Variants in CDK5RAP2 observed in about 807,000 individuals in gnomAD.
CDK5RAP2 encodes CDK5 regulatory subunit associated protein 2, also known as CDK5 regulatory subunit-associated protein 2.
CDK5RAP2 carries 147 observed loss-of-function variants against 232.9 expected under a neutral mutation model. The observed-to-expected ratio is 0.63, with a 90% CI of 0.55 to 0.72. The LOEUF (loss-of-function observed/expected upper bound fraction) is 0.72, where lower values mean the gene tolerates loss of function less well. Ranked by LOEUF, CDK5RAP2 falls within the 30% of genes least tolerant of loss-of-function variation. The pLI is 0.00. For synonymous variants in CDK5RAP2, 833 were observed against 833.7 expected (o/e 1.00, Z 0.01); for missense variants, 2,195 against 2,231.5 (o/e 0.98, Z 0.33).
intron 4 of CDK5RAP2, among the ~76,000 whole-genome samples, chr9:120,549,574 TCA>T (rs1380740880): frequency 4.6e-5 from 7 of 152,180 alleles, no homozygotes; most frequent in African/African-American, 1.7e-4. Context: ...TCTATAAGCC[TCA>T]GTTTCTTCCC....
At chr9:120,490,349 CCT>C (rs1427517711) in intron 13 of CDK5RAP2, among the ~76,000 whole-genome samples, 3 of 152,192 alleles carry the variant, frequency 2.0e-5, no homozygotes, top group African/African-American at 7.2e-5. Flanking sequence ...CCACTCCCTC[CCT>C]GTTTTCACTT....
chr9:120,443,581 A>T lies in CDK5RAP2; in HGVS notation c.3148+39T>A, dbSNP rs913455227. The T allele has an allele frequency of 1.9e-6, 3 of 1,611,654 alleles. No individual in the cohort carries two copies. In the Admixed American group the frequency reaches 5.0e-5, roughly 27 times the overall value. On this transcript the variant is annotated intron_variant, in intron 23 of 37. Coordinates refer to ENST00000349780, the MANE Select transcript of CDK5RAP2 (RefSeq NM_018249.6). Reference sequence around the variant, plus strand: ...AAAACATCCAAATGGTGCCTGGCACATGGAAGCTGTTCAATACACACAGGG... The same window carrying T: ...AAAACATCCAAATGGTGCCTGGCACTTGGAAGCTGTTCAATACACACAGGG...
chr9:120,534,705 T>C (rs1318429387), intron 7 of CDK5RAP2, among the ~76,000 whole-genome samples: 1 of 152,214 alleles, frequency 6.6e-6, no homozygotes, highest in African/African-American at 2.4e-5. Context: ...TTTTCAAACC[T>C]ATCCCAAACC....
chr9:120,428,586 A>C (rs2035071267), intron 25 of CDK5RAP2, among the ~76,000 whole-genome samples: 2 of 152,218 alleles, frequency 1.3e-5, no homozygotes, highest in Admixed American at 1.3e-4. Context: ...ATAGACCAAT[A>C]ACAGGATCTG....
chr9:120,520,585 G>C (rs918578911), intron 11 of CDK5RAP2, among the ~76,000 whole-genome samples: 1 of 152,172 alleles, frequency 6.6e-6, no homozygotes, highest in African/African-American at 2.4e-5. Flanking sequence ...AGAGGTTGCA[G>C]TAAGCCAAGA....
chr9:120,577,790 T>C (rs2043089969), intron 1 of CDK5RAP2, among the ~76,000 whole-genome samples: 1 of 152,152 alleles, frequency 6.6e-6, no homozygotes, highest in South Asian at 2.1e-4. Flanking sequence ...ATCAAGGGGT[T>C]GTTAAGTAGC....
At position 120,458,534 on chromosome 9, in the gene CDK5RAP2, G is replaced by A. The variant is rs1288075700; in HGVS notation, c.2291C>T (p.Ala764Val). Reference sequence around the variant, plus strand: ...TGCACCTTCTTCTAGGCAGCCAGGTGCGTGGGCCCCATCACAATCTGAAAT... The same window carrying A: ...TGCACCTTCTTCTAGGCAGCCAGGTACGTGGGCCCCATCACAATCTGAAAT... ...SKISDCDGAH[A>V]PGCLEEGAFI... Residue 764 changes from alanine (A) to valine (V), a missense_variant, in exon 20 of 38, where the codon GCA (alanine) becomes GTA (valine). Transcript: ENST00000349780. 6 of 1,614,126 alleles carry A rather than the reference G, an allele frequency of 3.7e-6. No individual in the cohort carries two copies. The highest frequency in any genetic ancestry group is 5.1e-6 in the Non-Finnish European group (6 of 1,179,976).
Position 120,518,603 on chromosome 9 carries a change from G to A in CDK5RAP2, c.1135C>T (p.Leu379Phe). Residue 379 changes from leucine to phenylalanine, a missense_variant, in exon 12 of 38, where the codon CTT becomes TTT. Coordinates refer to ENST00000349780, the MANE Select transcript of CDK5RAP2 (RefSeq NM_018249.6). ...TTTTGTGAGCGCAGCGCAGCCGAAA[G>A]GGCTTCCTTTCCTGATAGAGCAGTC... ...YETALSGKEA[L>F]SAALRSQNLT... 1 of 1,613,704 alleles carries A rather than the reference G, an allele frequency of 6.2e-7. No homozygotes were observed. The highest frequency in any genetic ancestry group is 8.5e-7 in the Non-Finnish European group (1 of 1,179,984).
At chr9:120,502,008 TCA>T (rs1564306341) in intron 12 of CDK5RAP2, among the ~76,000 whole-genome samples, 2 of 152,146 alleles carry the variant, frequency 1.3e-5, no homozygotes, top group Non-Finnish European at 1.5e-5. Flanking sequence ...TTGCCTAAGA[TCA>T]CAGTCACCAA....
chr9:120,505,763 C>G (rs1179564962), intron 12 of CDK5RAP2, among the ~76,000 whole-genome samples: 1 of 152,196 alleles, frequency 6.6e-6, no homozygotes, highest in African/African-American at 2.4e-5. Context: ...AAGCCAAAGT[C>G]TAATCCAGAG....
chr9:120,468,032 C>G (rs747990408), intron 17 of CDK5RAP2, 35 bp from the exon 18 acceptor site: 1 of 1,612,350 alleles, frequency 6.2e-7, no homozygotes, highest in Admixed American at 1.7e-5. Context: ...GCTGTCTACC[C>G]AGCAAGAGAC....
At chr9:120,429,657 T>C (rs1328192412) in intron 25 of CDK5RAP2, among the ~76,000 whole-genome samples, 6 of 152,112 alleles carry the variant, frequency 3.9e-5, no homozygotes, top group Non-Finnish European at 8.8e-5. Context: ...GTAGGAAGAA[T>C]CAATATTGTG....
chr9:120,458,380 C>T, intron 20 of CDK5RAP2, 70 bp downstream of exon 20: 1 of 1,457,898 alleles, frequency 6.9e-7, no homozygotes, highest in Non-Finnish European at 9.6e-7. Context: ...CATCTAAACC[C>T]ATTTAGCAAA....
At chr9:120,438,585 C>T (rs2035719708) in intron 24 of CDK5RAP2, among the ~76,000 whole-genome samples, 1 of 152,186 alleles carries the variant, frequency 6.6e-6, no homozygotes, top group Non-Finnish European at 1.5e-5. Flanking sequence ...CAAGTCACTG[C>T]AGCTACTTTG....
chr9:120,512,637 A>G (rs2040148006), intron 12 of CDK5RAP2, among the ~76,000 whole-genome samples: 1 of 152,192 alleles, frequency 6.6e-6, no homozygotes, highest in African/African-American at 2.4e-5. Context: ...TCTCAACATA[A>G]TTACTGACGG....
chr9:120,409,252 G>A lies in CDK5RAP2; in HGVS notation c.4479C>T (p.His1493=), dbSNP rs750474572. Residue 1493 remains histidine, a synonymous_variant, in exon 30 of 38, where the codon CAC becomes CAT. Transcript: ENST00000349780. ...SLSRKTVSLE[H]LQREYASVKE... ...TCACGCTGGCATACTCCCGCTGAAG[G>A]TGCTCCAGGCTCACGGTCTTCCTGG... is the stretch of plus-strand genomic sequence containing the variant. The A allele has an allele frequency of 1.9e-6, 3 of 1,613,932 alleles. No individual in the cohort carries two copies. Among genetic ancestry groups the A allele is most frequent in the Non-Finnish European group, 2.5e-6 (3 of 1,179,922 alleles).
chr9:120,508,026 A>G (rs1400038170), intron 12 of CDK5RAP2, among the ~76,000 whole-genome samples: 2 of 148,354 alleles, frequency 1.3e-5, no homozygotes, highest in Non-Finnish European at 3.0e-5. Context: ...TAGAAATGAA[A>G]AGCCAAGCCC....
rs2033840157 is a variant in CDK5RAP2, at chr9:120,411,414, T to C, written c.4358A>G (p.His1453Arg). The C allele has an allele frequency of 6.2e-7, 1 of 1,613,716 alleles. No homozygotes were observed. Among genetic ancestry groups the C allele is most frequent in the East Asian group, 2.2e-5 (1 of 44,870 alleles). The change falls in exon 29 of 38, where the codon CAT becomes CGT. Residue 1453 changes from histidine to arginine, a missense_variant. Transcript: ENST00000349780. ...ELHSSLTSEI[H>R]FLRKQNQALN... ...GGCCTGGTTCTGCTTCCTCAAGAAA[T>C]GAATTTCTGATGTTAGAGAACTATG...
chr9:120,433,653 A>G (rs1214271680), intron 25 of CDK5RAP2, among the ~76,000 whole-genome samples: 1 of 152,252 alleles, frequency 6.6e-6, no homozygotes, highest in Non-Finnish European at 1.5e-5. Flanking sequence ...CATCTATAAA[A>G]CTGAACTAAT....
Sources: gnomAD v4.1 joint callset for allele counts (sites outside exome capture counted in the v4.1 genomes callset) on GRCh38, gnomAD v4.1.1 for gene constraint, MANE v1.5 for transcripts, NCBI Gene and HGNC (gene_info 2026-07-23, HGNC 2026-07-21) for gene names.